Variants in WIF1 observed in about 807,000 individuals in gnomAD.
WIF1 encodes Wnt inhibitory factor 1.
Under a neutral mutation model 53.5 loss-of-function variants are expected in WIF1, and 35 were observed. The observed-to-expected ratio is 0.65, with a 90% CI of 0.50 to 0.87. The LOEUF is 0.87. Among genes scored for constraint, WIF1 ranks in the 40% least tolerant of loss-of-function variants. WIF1 has a pLI of 0.00. For synonymous variants in WIF1, 171 were observed against 170.4 expected (o/e 1.00, Z -0.03); for missense variants, 467 against 476.8 (o/e 0.98, Z 0.19).
intron 2 of WIF1, among the ~76,000 whole-genome samples, chr12:65,100,046 G>A (rs1308429178): frequency 1.3e-5 from 2 of 152,058 alleles, no homozygotes; most frequent in Admixed American, 6.6e-5. Flanking sequence ...ATAAATGCAT[G>A]TGCACATGTA....
At chr12:65,065,552 TCTTTCCTTTAG>T (rs1163536747) in intron 6 of WIF1, among the ~76,000 whole-genome samples, 1 of 152,132 alleles carries the variant, frequency 6.6e-6, no homozygotes, top group Non-Finnish European at 1.5e-5. Flanking sequence ...TACTGAAGGC[TCTTTCCTTTAG>T]CTTTCCTTTA....
intron 2 of WIF1, among the ~76,000 whole-genome samples, chr12:65,109,062 C>A (rs1883390796): frequency 6.6e-6 from 1 of 152,172 alleles, no homozygotes. Flanking sequence ...GACCCATATT[C>A]CTCAGTTCTG....
At chr12:65,067,034 AAT>A (rs1476651600) in intron 5 of WIF1, among the ~76,000 whole-genome samples, 1 of 152,082 alleles carries the variant, frequency 6.6e-6, no homozygotes, top group Non-Finnish European at 1.5e-5. Context: ...AAAACTGTTA[AAT>A]ATTTTCACTT....
At chr12:65,060,509 CAG>C (rs1196232185) in intron 7 of WIF1, among the ~76,000 whole-genome samples, 3 of 152,078 alleles carry the variant, frequency 2.0e-5, no homozygotes, top group African/African-American at 7.2e-5. Flanking sequence ...AGTCTAGAAA[CAG>C]AAAGTAGCTT....
At chr12:65,056,629 T>C (rs1400587557) in intron 7 of WIF1, among the ~76,000 whole-genome samples, 1 of 152,024 alleles carries the variant, frequency 6.6e-6, no homozygotes, top group Non-Finnish European at 1.5e-5. Context: ...TTAAATAATC[T>C]TTTCACTGGG....
chr12:65,074,255 A>G (rs1197589812), intron 3 of WIF1, among the ~76,000 whole-genome samples: 1 of 152,006 alleles, frequency 6.6e-6, no homozygotes, highest in Admixed American at 6.6e-5. Context: ...TTAACTAGAC[A>G]CAAAAAGTGA....
In WIF1 at chr12:65,083,902, G is replaced by A. The variant is rs532390775; in HGVS notation, c.289-6048C>T. On this transcript the variant is annotated intron_variant, in intron 2 of 9. Coordinates refer to ENST00000286574, the MANE Select transcript of WIF1 (RefSeq NM_007191.5). ...TGCCCAGGCTGGGATGCAGTAGCAC[G>A]ATCATGGCTCACTGTAGCCTCAACC... 1.4e-4 allele frequency: 44 copies of A among 309,546 alleles called. 1 individual carries two copies. The highest frequency in any genetic ancestry group is 1.3e-3 in the South Asian group (43 of 33,900). The allele number at this position is 309,546 out of a possible 1,614,324, so 19.2% of individuals were successfully genotyped here. A position where few individuals can be genotyped will look rare whatever the true frequency, so the allele number is the denominator to read the frequency against.
At chr12:65,101,130 A>G (rs1883276261) in intron 2 of WIF1, among the ~76,000 whole-genome samples, 1 of 152,226 alleles carries the variant, frequency 6.6e-6, no homozygotes. Flanking sequence ...CAGGATTCAT[A>G]AAAAGACATG....
At chr12:65,109,887 T>C (rs1592404461) in intron 2 of WIF1, among the ~76,000 whole-genome samples, 1 of 152,178 alleles carries the variant, frequency 6.6e-6, no homozygotes, top group African/African-American at 2.4e-5. Context: ...TCAGAGTATA[T>C]ACCATGTAAC....
intron 2 of WIF1, among the ~76,000 whole-genome samples, chr12:65,099,652 C>T (rs1157578357): frequency 6.6e-6 from 1 of 152,140 alleles, no homozygotes; most frequent in African/African-American, 2.4e-5. Flanking sequence ...GGTACTTTCT[C>T]CAAAGACTCT....
intron 2 of WIF1, among the ~76,000 whole-genome samples, chr12:65,106,371 ATATTTTTTTT>A (rs1565759994): frequency 7.2e-6 from 1 of 139,678 alleles, no homozygotes; most frequent in East Asian, 2.0e-4. Flanking sequence ...ATATATATAT[ATATTTTTTTT>A]TATTTTTTTT....
intron 2 of WIF1, among the ~76,000 whole-genome samples, chr12:65,094,668 G>A (rs1883174607): frequency 6.6e-6 from 1 of 152,142 alleles, no homozygotes; most frequent in African/African-American, 2.4e-5. Context: ...TCCAAGGAAA[G>A]ATTAGTCCCA....
intron 2 of WIF1, chr12:65,083,782 C>CTTTCT: frequency 3.8e-6 from 1 of 261,834 alleles, no homozygotes; most frequent in Non-Finnish European, 6.8e-6. Context: ...TTCCCTTTCC[C>CTTTCT]TTTCCTTTCC....
rs887774574 is a variant in WIF1, at chr12:65,077,832, A to C, written c.311T>G (p.Leu104Arg). Residue 104 changes from leucine (L) to arginine (R), a missense_variant, in exon 3 of 10, where the codon CTG (leucine) becomes CGG (arginine). By Grantham distance (102) the Leu-to-Arg change is moderately radical. Transcript: ENST00000286574. ...GCCTTTATCCAGGGAGCGCAAGGAC[A>C]GGAATTCATAGAAGTATTCTGCCTA... ...AGQAEYFYEF[L>R]SLRSLDKGIM... is the part of the protein sequence containing the mutation. 1 of 1,613,760 alleles carries C rather than the reference A, an allele frequency of 6.2e-7. No individual in the cohort carries two copies. The highest frequency in any genetic ancestry group is 8.5e-7 in the Non-Finnish European group (1 of 1,179,796).
rs1395084299 is a variant in WIF1 at position 65,121,265 on chromosome 12, C to T, written c.-74G>A. 9 of 1,353,986 alleles carry T rather than the reference C, an allele frequency of 6.6e-6. No homozygotes were observed. The highest frequency in any genetic ancestry group is 7.6e-6 in the Non-Finnish European group (8 of 1,047,178). 83.9% of individuals were successfully genotyped at this position (1,353,986 alleles called of 1,614,324 possible). On this transcript the variant is annotated 5_prime_UTR_variant, in exon 1 of 10. Transcript: ENST00000286574. ...ACGCAACCTGGCGCCGTCAGATACTCTGCTGCGCTGCAGCTCCCTCAGCCA... is the reference window on the plus strand; with the variant it reads ...ACGCAACCTGGCGCCGTCAGATACTTTGCTGCGCTGCAGCTCCCTCAGCCA...
At position 65,120,567 on chromosome 12, in the gene WIF1, A is replaced by C; in HGVS notation, c.149-11T>G. The stretch of plus-strand genomic sequence containing the variant: ...TATCTTCTTCAAATCCTGGTTTTTA[A>C]AATAATAAAACGATCAAACCAGGTA... On this transcript the variant is annotated splice_polypyrimidine_tract_variant and intron_variant, in intron 1 of 9. Transcript: ENST00000286574. 6.2e-7 allele frequency: 1 copy of C among 1,601,946 alleles called. No individual in the cohort carries two copies. The highest frequency in any genetic ancestry group is 8.5e-7 in the Non-Finnish European group (1 of 1,176,946).
At chr12:65,058,875 T>C (rs994183287) in intron 7 of WIF1, among the ~76,000 whole-genome samples, 1 of 151,940 alleles carries the variant, frequency 6.6e-6, no homozygotes, top group African/African-American at 2.4e-5. Context: ...TATGGTGAAA[T>C]CCTGTCTCTA....
At position 65,121,209 on chromosome 12, in the gene WIF1, C is replaced by A. The variant is rs900898560; in HGVS notation, c.-18G>T. On this transcript the variant is annotated 5_prime_UTR_variant, in exon 1 of 10. Transcript: ENST00000286574. ...CGGGCCATGCTGCTCAGGACCTCCTCGCTGCCGGGAAAACTCCTCGTGCCG... is the reference window on the plus strand; with the variant it reads ...CGGGCCATGCTGCTCAGGACCTCCTAGCTGCCGGGAAAACTCCTCGTGCCG... 1.5e-5 allele frequency: 22 copies of A among 1,464,468 alleles called. No homozygotes were observed. The highest frequency in any genetic ancestry group is 2.6e-5 in the East Asian group (1 of 37,924). The allele number at this position is 1,464,468 out of a possible 1,614,324, so 90.7% of individuals were successfully genotyped here.
chr12:65,054,683 T>C (rs1335325411), intron 9 of WIF1, among the ~76,000 whole-genome samples: 1 of 152,232 alleles, frequency 6.6e-6, no homozygotes, highest in South Asian at 2.1e-4. Flanking sequence ...TGTTTTATAA[T>C]GATACTTGAC....
Sources: allele counts gnomAD v4.1 joint callset (sites outside exome capture counted in the v4.1 genomes callset), GRCh38; gene constraint gnomAD v4.1.1; transcripts MANE v1.5; gene names NCBI Gene and HGNC (gene_info 2026-07-23, HGNC 2026-07-21).